The following DOCK2 variants were observed in gnomAD, a reference collection of about 807,000 sequenced individuals.
The protein encoded by DOCK2 is dedicator of cytokinesis protein 2.
DOCK2 carries 87 observed loss-of-function variants against 248.9 expected under a neutral mutation model. The observed-to-expected ratio is 0.35, with a 90% CI of 0.29 to 0.42. The LOEUF is 0.42. Among genes scored for constraint, DOCK2 ranks in the 10% least tolerant of loss-of-function variants. The pLI, the probability that DOCK2 is intolerant of heterozygous loss-of-function variation, is 1.00. For missense variants in DOCK2, 1,747 were observed against 2,300.2 expected (o/e 0.76, Z 4.92); for synonymous variants, 805 against 821.6 (o/e 0.98, Z 0.35).
intron 26 of DOCK2, among the ~76,000 whole-genome samples, chr5:169,827,027 T>C (rs1393987500): frequency 6.6e-6 from 1 of 150,404 alleles, no homozygotes; most frequent in Non-Finnish European, 1.5e-5. Flanking sequence ...AGTGAGTCGG[T>C]ACCACTCCGT....
chr5:170,030,037 G>A (rs529830526), intron 34 of DOCK2, among the ~76,000 whole-genome samples: 1 of 152,304 alleles, frequency 6.6e-6, no homozygotes, highest in East Asian at 1.9e-4. Context: ...GATGTATCTG[G>A]GGGGAATAAA....
chr5:169,802,484 T>C (rs1377992715), intron 25 of DOCK2, among the ~76,000 whole-genome samples: 2 of 152,108 alleles, frequency 1.3e-5, no homozygotes, highest in African/African-American at 4.8e-5. Flanking sequence ...AATAGAAAAA[T>C]ACATCCATGA....
intron 29 of DOCK2, among the ~76,000 whole-genome samples, chr5:169,993,687 G>A (rs1397156207): frequency 6.6e-6 from 1 of 152,142 alleles, no homozygotes; most frequent in Non-Finnish European, 1.5e-5. Context: ...AAATGCTGCA[G>A]ATACTCCACC....
Position 170,050,549 on chromosome 5 carries a change from C to A in DOCK2, c.4213+152C>A, listed in dbSNP as rs573774864. The A allele has an allele frequency of 6.0e-5, 58 of 971,936 alleles. No individual in the cohort carries two copies. The African/African-American group carries it at 9.4e-4, about 16-fold the overall frequency. 60.2% of individuals were successfully genotyped at this position (971,936 alleles called of 1,614,324 possible). A position where few individuals can be genotyped will look rare whatever the true frequency, so the allele number is the denominator to read the frequency against. Reference sequence around the variant, plus strand: ...GGAACATGCAACATGTTCTTTGGATCCATGTTCTTTGGATCCTTTTCTGGA... The same window carrying A: ...GGAACATGCAACATGTTCTTTGGATACATGTTCTTTGGATCCTTTTCTGGA... On this transcript the variant is annotated intron_variant, in intron 41 of 51. Coordinates refer to ENST00000520908, the MANE Select transcript of DOCK2 (RefSeq NM_004946.3).
At chr5:169,718,630 A>G (rs1304096586) in intron 21 of DOCK2, 27 bp from the exon 22 acceptor site, 8 of 1,602,126 alleles carry the variant, frequency 5.0e-6, no homozygotes, top group Non-Finnish European at 6.8e-6. Flanking sequence ...AAAGAGATGT[A>G]TTTTGAAAAT....
rs1418915635 is a variant in DOCK2, at chr5:170,034,536, G to T, written c.3605G>T (p.Ser1202Ile). The T allele has an allele frequency of 6.2e-7, 1 of 1,614,168 alleles. No individual in the cohort carries two copies. Among genetic ancestry groups the T allele is most frequent in the East Asian group, 2.2e-5 (1 of 44,868 alleles). The change falls in exon 35 of 52, where the codon AGC (serine) becomes ATC (isoleucine). Residue 1202 changes from serine to isoleucine, a missense_variant. Transcript: ENST00000520908. ...GATGAGAGCAAAGACAACCGCATGA[G>T]CTGCACCGTGAACCTGCTGGTGCGT... ...MTDESKDNRM[S>I]CTVNLLNFYK...
intron 9 of DOCK2, 99 bp from the exon 10 acceptor site, chr5:169,695,704 A>G: frequency 1.3e-6 from 2 of 1,523,852 alleles, no homozygotes; most frequent in East Asian, 2.3e-5. Flanking sequence ...AGCAAGTATT[A>G]TATACATCCC....
intron 27 of DOCK2, among the ~76,000 whole-genome samples, chr5:169,853,804 CTTTTTTTTTTTTTTTTTTTTTTTTT>C (rs67124138): frequency 3.3e-4 from 19 of 56,856 alleles, no homozygotes; most frequent in African/African-American, 1.1e-3. Context: ...GGAAAAACAA[CTTTTTTTTTTTTTTTTTTTTTTTTT>C]TTTTTTTTTT....
At chr5:169,915,344 T>A (rs923975187) in intron 27 of DOCK2, among the ~76,000 whole-genome samples, 17 of 152,172 alleles carry the variant, frequency 1.1e-4, no homozygotes, top group Non-Finnish European at 2.5e-4. Context: ...AAAGCACCAG[T>A]AAGCACTAAT....
At chr5:169,715,200 T>G (rs1297222733) in intron 19 of DOCK2, among the ~76,000 whole-genome samples, 1 of 152,174 alleles carries the variant, frequency 6.6e-6, no homozygotes, top group African/African-American at 2.4e-5. Flanking sequence ...GCGTCTGAAG[T>G]GCAAATCTAA....
intron 25 of DOCK2, among the ~76,000 whole-genome samples, chr5:169,780,123 AC>A (rs142761922): frequency 0.01 from 1,586 of 152,212 alleles, 31 homozygotes; most frequent in African/African-American, 0.037. Flanking sequence ...GGATCTAGCA[AC>A]CCTGGCATTG....
intron 32 of DOCK2, among the ~76,000 whole-genome samples, chr5:170,017,799 G>T (rs1177873256): frequency 2.0e-5 from 3 of 152,200 alleles, no homozygotes; most frequent in Admixed American, 6.5e-5. Flanking sequence ...TCCAGAGTTG[G>T]TGCCCTTAAC....
At chr5:169,734,507 A>G (rs893211017) in intron 22 of DOCK2, among the ~76,000 whole-genome samples, 1 of 152,170 alleles carries the variant, frequency 6.6e-6, no homozygotes, top group Non-Finnish European at 1.5e-5. Flanking sequence ...ATTTTCCTCC[A>G]AAGAAAATCA....
rs368156237 is a variant in DOCK2 at position 169,670,594 on chromosome 5, G to A, written c.221G>A (p.Arg74Lys). ...IHIKEVTVEK[R>K]RNTENIIPAE... is the part of the protein sequence containing the mutation. ...ATCAAGGAAGTGACAGTTGAGAAAA[G>A]AAGGTATTTGCCATTCTTCACCAGA... is the stretch of plus-strand genomic sequence containing the variant. The change falls in exon 4 of 52, where the codon AGA becomes AAA. Residue 74 changes from arginine to lysine, a missense_variant. By Grantham distance (26) the Arg-to-Lys change is conservative. Coordinates refer to ENST00000520908, the MANE Select transcript of DOCK2 (RefSeq NM_004946.3). The A allele has an allele frequency of 8.7e-5, 141 of 1,614,078 alleles. 1 individual carries two copies. The East Asian group carries it at 1.3e-3, about 15-fold the overall frequency.
At chr5:170,015,132 C>T (rs150638744) in intron 32 of DOCK2, among the ~76,000 whole-genome samples, 112 of 152,262 alleles carry the variant, frequency 7.4e-4, no homozygotes, top group African/African-American at 2.5e-3. Context: ...ATCTAAAACT[C>T]GGCATAGAGC....
chr5:169,808,518 T>C (rs1002266005), intron 26 of DOCK2, among the ~76,000 whole-genome samples: 1 of 152,110 alleles, frequency 6.6e-6, no homozygotes, highest in Non-Finnish European at 1.5e-5. Context: ...TCCTGGTCTC[T>C]TAGCATATGA....
At chr5:170,082,150 G>A (rs1758057393) in intron 51 of DOCK2, among the ~76,000 whole-genome samples, 166 bp downstream of exon 51, 1 of 152,128 alleles carries the variant, frequency 6.6e-6, no homozygotes, top group Non-Finnish European at 1.5e-5. Context: ...AATGCCCAGA[G>A]GGCAGTTCTC....
At chr5:170,056,171 C>T (rs1442295418) in intron 42 of DOCK2, among the ~76,000 whole-genome samples, 1 of 152,184 alleles carries the variant, frequency 6.6e-6, no homozygotes, top group Non-Finnish European at 1.5e-5. Flanking sequence ...TGGGTCTTAA[C>T]CTCCCCTCAC....
At chr5:169,707,055 C>T (rs1761308475) in intron 14 of DOCK2, among the ~76,000 whole-genome samples, 1 of 152,178 alleles carries the variant, frequency 6.6e-6, no homozygotes, top group Non-Finnish European at 1.5e-5. Flanking sequence ...GGCTGGGGCT[C>T]CAAAACCAAA....
Sources: gnomAD v4.1 joint callset for allele counts (sites outside exome capture counted in the v4.1 genomes callset) on GRCh38, gnomAD v4.1.1 for gene constraint, MANE v1.5 for transcripts, NCBI Gene and HGNC (gene_info 2026-07-23, HGNC 2026-07-21) for gene names.